Variants in CIRBP observed in about 807,000 individuals in gnomAD.
CIRBP encodes cold inducible RNA binding protein, also known as cold-inducible RNA-binding protein.
CIRBP carries 11 observed loss-of-function variants against 22.3 expected under a neutral mutation model. The ratio of observed to expected loss-of-function variants is 0.49; its 90% CI spans 0.31 to 0.82. The LOEUF (loss-of-function observed/expected upper bound fraction) is 0.82. Among genes scored for constraint, CIRBP ranks in the 40% least tolerant of loss-of-function variants. The probability of loss-of-function intolerance (pLI) is 0.05; values close to 1 mark genes in which losing one functional copy is unlikely to be tolerated. For synonymous variants in CIRBP, 216 were observed against 158.8 expected (o/e 1.36, Z -2.71); for missense variants, 456 against 402.7 (o/e 1.13, Z -1.13).
In CIRBP at chr19:1,271,571, G is replaced by C; in HGVS notation, c.370G>C (p.Gly124Arg). ...FSRGGGDRGY[G>R]GNRFESRSGG... ...TGCAGGAGGAGGGGACCGAGGCTAT[G>C]GGGGGAACCGGTTCGAGTCCAGGAG... Residue 124 changes from glycine (G) to arginine (R), a missense_variant, in exon 5 of 6, where the codon GGG (glycine) becomes CGG (arginine). By Grantham distance (125) the Gly-to-Arg change is moderately radical (BLOSUM62 -2). Around this residue, in one of 2 missense-constraint regions of CIRBP, gnomAD observed 426 missense variants for 339.6 expected, o/e 1.25. Coordinates refer to ENST00000587896, the MANE Select transcript of CIRBP (RefSeq NM_001300829.2). 1.3e-6 allele frequency: 2 copies of C among 1,580,290 alleles called. No individual in the cohort carries two copies. Among genetic ancestry groups the C allele is most frequent in the South Asian group, 1.2e-5 (1 of 86,860 alleles).
rs2081383281 is a variant in CIRBP, at chr19:1,273,984, T to G, written c.*1541T>G. On this transcript the variant is annotated 3_prime_UTR_variant, in exon 6 of 6. Coordinates refer to ENST00000587896, the MANE Select transcript of CIRBP (RefSeq NM_001300829.2). ...CCAGTGAACGCCCCCGCCTTTTGGA[T>G]TTTTTGCTCAATTGACCGTCTTTTC... The G allele has an allele frequency of 4.1e-6, 1 of 244,502 alleles. No homozygotes were observed. Among genetic ancestry groups the G allele is most frequent in the Non-Finnish European group, 7.8e-6 (1 of 128,482 alleles). 15.1% of individuals were successfully genotyped at this position (244,502 alleles called of 1,614,324 possible).
rs1335622553 is a variant in CIRBP, at chr19:1,274,636, C to G, written c.*2193C>G. Reference sequence around the variant, plus strand: ...GCCCGCGCCTGTTCTCCCTCCCTTCCTCCTCCTTCCAGGAGGCGCTTCGCC... The same window carrying G: ...GCCCGCGCCTGTTCTCCCTCCCTTCGTCCTCCTTCCAGGAGGCGCTTCGCC... On this transcript the variant is annotated 3_prime_UTR_variant, in exon 6 of 6. Transcript: ENST00000587896. 1 of 252,624 alleles carries G rather than the reference C, an allele frequency of 4.0e-6. No homozygotes were observed. Among genetic ancestry groups the G allele is most frequent in the East Asian group, 6.8e-5 (1 of 14,724 alleles). 15.6% of individuals were successfully genotyped at this position (252,624 alleles called of 1,614,324 possible).
At position 1,271,231 on chromosome 19, in the gene CIRBP, G is replaced by C; in HGVS notation, c.195G>C (p.Met65Ile). The change falls in exon 3 of 6, where the codon ATG becomes ATC. Residue 65 changes from methionine (M) to isoleucine (I), a missense_variant. This residue lies in a region of CIRBP where 426 missense variants were observed against 339.6 expected (regional missense o/e 1.25). Coordinates refer to ENST00000587896, the MANE Select transcript of CIRBP (RefSeq NM_001300829.2). ...TTGACGACGCTAAGGATGCCATGAT[G>C]GCCATGAATGGGAAGGTGAGGATCA... is the stretch of plus-strand genomic sequence containing the variant. ...ENIDDAKDAM[M>I]AMNGKSVDGR... 3.7e-6 allele frequency: 6 copies of C among 1,614,026 alleles called. No homozygotes were observed. The highest frequency in any genetic ancestry group is 5.1e-6 in the Non-Finnish European group (6 of 1,180,002).
In CIRBP at chr19:1,270,780, C is replaced by T. The variant is rs1189886579; in HGVS notation, c.-6-148C>T. On this transcript the variant is annotated intron_variant, in intron 1 of 5. Transcript: ENST00000587896. ...TGCCCCCGACCCCAAAAAAATAAGT[C>T]CTAGGTATGAGTTTGAGATAATGAA... is the stretch of plus-strand genomic sequence containing the variant. The T allele has an allele frequency of 1.6e-5, 11 of 686,214 alleles. No individual in the cohort carries two copies. In the East Asian group the frequency reaches 2.8e-4, roughly 18 times the overall value. 42.5% of individuals were successfully genotyped at this position (686,214 alleles called of 1,614,324 possible).
chr19:1,269,713 G>T (rs1047132880), intron 1 of CIRBP: 1 of 354,624 alleles, frequency 2.8e-6, no homozygotes, highest in Admixed American at 3.8e-5. Context: ...CAGGGTGCGC[G>T]CGGGGCGCAT....
Position 1,274,480 on chromosome 19 carries a change from C to G in CIRBP, c.*2037C>G, listed in dbSNP as rs2081389964. The G allele has an allele frequency of 2.5e-6, 1 of 393,084 alleles. No individual in the cohort carries two copies. The highest frequency in any genetic ancestry group is 3.2e-4 in the Middle Eastern group (1 of 3,126). The allele number at this position is 393,084 out of a possible 1,614,324, so 24.3% of individuals were successfully genotyped here. A position where few individuals can be genotyped will look rare whatever the true frequency, so the allele number is the denominator to read the frequency against. Reference sequence around the variant, plus strand: ...GAAGAGTGGCATGTGGCGCTGAGCCCTGTCCCGGGCGGCACCTGGGCGTTT... The same window carrying G: ...GAAGAGTGGCATGTGGCGCTGAGCCGTGTCCCGGGCGGCACCTGGGCGTTT... On this transcript the variant is annotated 3_prime_UTR_variant, in exon 6 of 6. Coordinates refer to ENST00000587896, the MANE Select transcript of CIRBP (RefSeq NM_001300829.2).
In CIRBP at chr19:1,269,378, C is replaced by G. The variant is rs2081294084; in HGVS notation, c.-39C>G. On this transcript the variant is annotated 5_prime_UTR_variant, in exon 1 of 6. Coordinates refer to ENST00000587896, the MANE Select transcript of CIRBP (RefSeq NM_001300829.2). ...TCGGGTCGTTGTGGTGCGCTGTCTT[C>G]CCGCTTGCGTCAGGGACCTGCCCGA... The G allele has an allele frequency of 6.6e-6, 1 of 152,004 alleles. No homozygotes were observed. The highest frequency in any genetic ancestry group is 2.4e-5 in the African/African-American group (1 of 41,408). The allele number at this position is 152,004 out of a possible 1,614,324, so 9.4% of individuals were successfully genotyped here. A position where few individuals can be genotyped will look rare whatever the true frequency, so the allele number is the denominator to read the frequency against.
At chr19:1,269,586 C>G (rs868535143) in intron 1 of CIRBP, among the ~76,000 whole-genome samples, 176 bp downstream of exon 1, 1 of 151,518 alleles carries the variant, frequency 6.6e-6, no homozygotes, top group Non-Finnish European at 1.5e-5. Flanking sequence ...GCCAGAGGGC[C>G]TCTCCCCGCC....
At chr19:1,270,121 C>G (rs767149645) in intron 1 of CIRBP, 2 of 518,928 alleles carry the variant, frequency 3.9e-6, no homozygotes, top group African/African-American at 1.9e-5. Context: ...GAAATCCTGC[C>G]TTATCACTTC....
At position 1,271,357 on chromosome 19, in the gene CIRBP, A is replaced by T; in HGVS notation, c.239A>T (p.Asp80Val). 2 of 1,613,908 alleles carry T rather than the reference A, an allele frequency of 1.2e-6. No homozygotes were observed. The highest frequency in any genetic ancestry group is 1.7e-6 in the Non-Finnish European group (2 of 1,180,014). Residue 80 changes from aspartate (D) to valine (V), a missense_variant, in exon 4 of 6, where the codon GAC (aspartate) becomes GTC (valine). By Grantham distance (152) the Asp-to-Val change is radical. Around this residue, in one of 2 missense-constraint regions of CIRBP, gnomAD observed 426 missense variants for 339.6 expected, o/e 1.25. Transcript: ENST00000587896. Reference sequence around the variant, plus strand: ...GTAGATGGACGGCAGATCCGAGTAGACCAGGCAGGCAAGTCGTCAGACAAC... The same window carrying T: ...GTAGATGGACGGCAGATCCGAGTAGTCCAGGCAGGCAAGTCGTCAGACAAC... ...KSVDGRQIRV[D>V]QAGKSSDNRS... is the part of the protein sequence containing the mutation.
chr19:1,274,605 C>G lies in CIRBP; in HGVS notation c.*2162C>G, dbSNP rs1174024610. On this transcript the variant is annotated 3_prime_UTR_variant, in exon 6 of 6. Coordinates refer to ENST00000587896, the MANE Select transcript of CIRBP (RefSeq NM_001300829.2). ...CCTCCCGGGAGCGCCGGGTCCCCCG[C>G]CTGGAGCCCGCGCCTGTTCTCCCTC... 1.0e-5 allele frequency: 3 copies of G among 293,212 alleles called. No homozygotes were observed. The highest frequency in any genetic ancestry group is 6.5e-5 in the African/African-American group (3 of 46,130). 18.2% of individuals were successfully genotyped at this position (293,212 alleles called of 1,614,324 possible).
At chr19:1,269,707 G>C (rs1328171701) in intron 1 of CIRBP, 1 of 354,006 alleles carries the variant, frequency 2.8e-6, no homozygotes, top group East Asian at 7.6e-5. Flanking sequence ...GTGGCGCAGG[G>C]TGCGCGCGGG....
Position 1,272,487 on chromosome 19 carries a change from T to G in CIRBP, c.*44T>G. 1 of 1,460,336 alleles carries G rather than the reference T, an allele frequency of 6.8e-7. No homozygotes were observed. The highest frequency in any genetic ancestry group is 9.2e-7 in the Non-Finnish European group (1 of 1,081,682). The allele number at this position is 1,460,336 out of a possible 1,614,324, so 90.5% of individuals were successfully genotyped here. On this transcript the variant is annotated 3_prime_UTR_variant, in exon 6 of 6. Coordinates refer to ENST00000587896, the MANE Select transcript of CIRBP (RefSeq NM_001300829.2). The stretch of plus-strand genomic sequence containing the variant: ...ATCGTCCTTCCAATGGCTGTGTGTT[T>G]AAAGATTGTGGGAGCTTCGCTGAAC...
rs1434364937 is a variant in CIRBP at position 1,271,376 on chromosome 19, A to G, written c.258A>G (p.Ser86=). Reference sequence around the variant, plus strand: ...GAGTAGACCAGGCAGGCAAGTCGTCAGACAACCGATCCCGTGGGTACCGTG... The same window carrying G: ...GAGTAGACCAGGCAGGCAAGTCGTCGGACAACCGATCCCGTGGGTACCGTG... ...QIRVDQAGKS[S]DNRSRGYRGG... Residue 86 remains serine (S), a synonymous_variant, in exon 4 of 6, where the codon TCA becomes TCG. Coordinates refer to ENST00000587896, the MANE Select transcript of CIRBP (RefSeq NM_001300829.2). 1 of 1,613,952 alleles carries G rather than the reference A, an allele frequency of 6.2e-7. No individual in the cohort carries two copies. The highest frequency in any genetic ancestry group is 1.1e-5 in the South Asian group (1 of 91,086).
In CIRBP at chr19:1,272,194, G is replaced by C. The variant is rs1206908964; in HGVS notation, c.645G>C (p.Gln215His). ...ACPEEAHLSSQSHFYRRTQKP... is the reference protein window; with the variant it reads ...ACPEEAHLSSHSHFYRRTQKP... ...CAGAAGAGGCGCATCTGTCCTCTCA[G>C]AGCCATTTCTATCGCAGGACGCAAA... The change falls in exon 6 of 6, where the codon CAG (glutamine) becomes CAC (histidine). Residue 215 changes from glutamine to histidine, a missense_variant. Physicochemically the swap from Gln to His is conservative, Grantham distance 24. Coordinates refer to ENST00000587896, the MANE Select transcript of CIRBP (RefSeq NM_001300829.2). 6.3e-7 allele frequency: 1 copy of C among 1,596,540 alleles called. No individual in the cohort carries two copies. The highest frequency in any genetic ancestry group is 1.8e-5 in the Admixed American group (1 of 56,512).
rs907836925 is a variant in CIRBP, at chr19:1,273,297, G to C, written c.*854G>C. 1 of 152,350 alleles carries C rather than the reference G, an allele frequency of 6.6e-6. No homozygotes were observed. Among genetic ancestry groups the C allele is most frequent in the South Asian group, 2.1e-4 (1 of 4,856 alleles). The allele number at this position is 152,350 out of a possible 1,614,324, so 9.4% of individuals were successfully genotyped here. A position where few individuals can be genotyped will look rare whatever the true frequency, so the allele number is the denominator to read the frequency against. ...CTGCAAGCCTTCCCTGGGGCCTGCA[G>C]AGCTAGAAAGGGAGGCCCAGCAGAC... On this transcript the variant is annotated 3_prime_UTR_variant, in exon 6 of 6. Transcript: ENST00000587896.
In CIRBP at chr19:1,269,908, C is replaced by T. The variant is rs375488258; in HGVS notation, c.-7+498C>T. On this transcript the variant is annotated intron_variant, in intron 1 of 5. Transcript: ENST00000587896. The stretch of plus-strand genomic sequence containing the variant: ...AAATCTTGGGTAGGCGTGGCCCGTT[C>T]TAGTGTGGTTCCTCGTCTGCCACGT... 9.6e-6 allele frequency: 5 copies of T among 519,808 alleles called. No homozygotes were observed. The African/African-American group carries it at 9.6e-5, about 10-fold the overall frequency. 32.2% of individuals were successfully genotyped at this position (519,808 alleles called of 1,614,324 possible).
Position 1,272,842 on chromosome 19 carries a change from G to C in CIRBP, c.*399G>C, listed in dbSNP as rs573231162. On this transcript the variant is annotated 3_prime_UTR_variant, in exon 6 of 6. Coordinates refer to ENST00000587896, the MANE Select transcript of CIRBP (RefSeq NM_001300829.2). ...CCCACTCACTTCTCTGAGATCGAAC[G>C]GACTGTGAATCCGCTCTTTGTCGGA... 2.4e-3 allele frequency: 390 copies of C among 163,366 alleles called. 3 individuals carry two copies. Among genetic ancestry groups the C allele is most frequent in the South Asian group, 6.3e-3 (38 of 6,032 alleles). 10.1% of individuals were successfully genotyped at this position (163,366 alleles called of 1,614,324 possible). A position where few individuals can be genotyped will look rare whatever the true frequency, so the allele number is the denominator to read the frequency against.
chr19:1,271,555 A>G lies in CIRBP; in HGVS notation c.354A>G (p.Gly118=). Residue 118 remains glycine (G), a synonymous_variant, in exon 5 of 6, where the codon GGA becomes GGG. Coordinates refer to ENST00000587896, the MANE Select transcript of CIRBP (RefSeq NM_001300829.2). ...RGRGRGFSRG[G]GDRGYGGNRF... ...CACTTTTTCCTGTATGTGCAGGAGG[A>G]GGGGACCGAGGCTATGGGGGGAACC... 6.3e-7 allele frequency: 1 copy of G among 1,580,994 alleles called. No homozygotes were observed. Among genetic ancestry groups the G allele is most frequent in the Admixed American group, 1.8e-5 (1 of 55,174 alleles).
Sources: allele counts gnomAD v4.1 joint callset (sites outside exome capture counted in the v4.1 genomes callset), GRCh38; gene constraint gnomAD v4.1.1; regional missense constraint gnomAD v4.1.1; transcripts MANE v1.5; gene names NCBI Gene and HGNC (gene_info 2026-07-23, HGNC 2026-07-21).